FAM83B: variants seen among roughly 807,000 people sequenced by gnomAD.
FAM83B encodes protein FAM83B.
A neutral mutation model predicts 38.8 loss-of-function variants in FAM83B; 26 were observed. That is an observed-to-expected ratio of 0.67 (90% CI 0.49 to 0.93). The LOEUF is 0.93. FAM83B is among the 40% of genes least tolerant of loss of function. FAM83B has a pLI of 0.00. For synonymous variants in FAM83B, 419 were observed against 423.1 expected (o/e 0.99, Z 0.12); for missense variants, 1,237 against 1,197.3 (o/e 1.03, Z -0.49).
intron 4 of FAM83B, among the ~76,000 whole-genome samples, chr6:54,937,724 C>T (rs1465818341): frequency 6.6e-6 from 1 of 152,106 alleles, no homozygotes; most frequent in African/African-American, 2.4e-5. Context: ...GTCTACAATT[C>T]AGCAGAAACC....
chr6:54,907,158 G>A (rs1444509292), intron 2 of FAM83B, among the ~76,000 whole-genome samples: 2 of 152,112 alleles, frequency 1.3e-5, no homozygotes, highest in East Asian at 1.9e-4. Flanking sequence ...TAAAACAGAT[G>A]CTAGAAACGT....
chr6:54,875,852 G>A (rs1291450030), intron 2 of FAM83B, among the ~76,000 whole-genome samples: 2 of 152,186 alleles, frequency 1.3e-5, no homozygotes, highest in African/African-American at 2.4e-5. Flanking sequence ...AACAATTGCT[G>A]TGTCTGTATG....
chr6:54,908,617 T>C (rs1772830091), intron 2 of FAM83B, among the ~76,000 whole-genome samples: 1 of 152,202 alleles, frequency 6.6e-6, no homozygotes, highest in Non-Finnish European at 1.5e-5. Flanking sequence ...GTCCTAGACT[T>C]GCTTCAGCTA....
At chr6:54,853,853 A>G (rs1771374485) in intron 1 of FAM83B, among the ~76,000 whole-genome samples, 1 of 152,242 alleles carries the variant, frequency 6.6e-6, no homozygotes, top group African/African-American at 2.4e-5. Flanking sequence ...GATTCCTCTA[A>G]TGAATCTGAG....
chr6:54,866,864 T>G (rs893909000), intron 1 of FAM83B, among the ~76,000 whole-genome samples: 1 of 152,122 alleles, frequency 6.6e-6, no homozygotes, highest in African/African-American at 2.4e-5. Flanking sequence ...GAGCAGCCCA[T>G]GAATTGAAAG....
Position 54,847,310 on chromosome 6 carries a change from G to A in FAM83B, c.-61+484G>A, listed in dbSNP as rs553338822. ...GGGAAAAGGTGGGAGAGCTTAGGTC[G>A]CTGAGGGGCGTGGGTGTTCTTTAGA... On this transcript the variant is annotated intron_variant, in intron 1 of 4. Coordinates refer to ENST00000306858, the MANE Select transcript of FAM83B (RefSeq NM_001010872.3). Among the ~76,000 whole-genome samples, 10 of 152,136 alleles carry A rather than the reference G, an allele frequency of 6.6e-5. No individual in the cohort carries two copies. The South Asian group carries it at 2.1e-3, about 32-fold the overall frequency.
chr6:54,936,959 G>A (rs1428864050), intron 4 of FAM83B, among the ~76,000 whole-genome samples: 2 of 142,686 alleles, frequency 1.4e-5, no homozygotes, highest in Non-Finnish European at 3.1e-5. Flanking sequence ...CTTCCTATAG[G>A]CATACTAGAT....
At position 54,870,475 on chromosome 6, in the gene FAM83B, C is replaced by T. The variant is rs914547382; in HGVS notation, c.229C>T (p.His77Tyr). 4.3e-6 allele frequency: 7 copies of T among 1,613,854 alleles called. No homozygotes were observed. Among genetic ancestry groups the T allele is most frequent in the Admixed American group, 1.7e-5 (1 of 59,978 alleles). ...CCAGAAAGTTGCACAAAGCACAGCA[C>T]ATGGTACTGATGATTCCTGTGATGA... ...NVQKVAQSTA[H>Y]GTDDSCDDTL... Residue 77 changes from histidine (H) to tyrosine (Y), a missense_variant, in exon 2 of 5, where the codon CAT becomes TAT. Physicochemically the swap from His to Tyr is moderately conservative, Grantham distance 83. Transcript: ENST00000306858.
intron 1 of FAM83B, among the ~76,000 whole-genome samples, chr6:54,867,740 A>G: frequency 6.6e-6 from 1 of 152,092 alleles, no homozygotes; most frequent in Non-Finnish European, 1.5e-5. Context: ...GTTCCAAAAT[A>G]TTTATTTGCA....
At chr6:54,926,241 A>C (rs954158068) in intron 2 of FAM83B, 130 bp from the exon 3 acceptor site, 12 of 444,404 alleles carry the variant, frequency 2.7e-5, no homozygotes, top group African/African-American at 5.9e-5. Context: ...AATGAAATGA[A>C]TATTTGTATA....
intron 1 of FAM83B, among the ~76,000 whole-genome samples, chr6:54,863,207 A>C (rs1414149496): frequency 6.6e-6 from 1 of 152,184 alleles, no homozygotes; most frequent in East Asian, 1.9e-4. Context: ...TTAATTATGC[A>C]CATAAAGAGG....
intron 2 of FAM83B, among the ~76,000 whole-genome samples, chr6:54,909,230 T>G (rs977805635): frequency 8.5e-5 from 13 of 152,158 alleles, no homozygotes; most frequent in African/African-American, 3.1e-4. Context: ...CCTTTAGGAG[T>G]CTTCTAGCTG....
intron 1 of FAM83B, among the ~76,000 whole-genome samples, chr6:54,860,266 GA>G (rs1483596427): frequency 2.0e-5 from 3 of 151,892 alleles, no homozygotes; most frequent in South Asian, 2.1e-4. Flanking sequence ...AGTTAACTTA[GA>G]AAAAAAATGA....
At chr6:54,889,578 T>G (rs2127579971) in intron 2 of FAM83B, among the ~76,000 whole-genome samples, 1 of 152,238 alleles carries the variant, frequency 6.6e-6, no homozygotes, top group Non-Finnish European at 1.5e-5. Context: ...CTGAATACTT[T>G]AAATCATCTC....
chr6:54,940,804 G>C lies in FAM83B; in HGVS notation c.1833G>C (p.Met611Ile). The C allele has an allele frequency of 1.9e-6, 3 of 1,613,982 alleles. No individual in the cohort carries two copies. Among genetic ancestry groups the C allele is most frequent in the Non-Finnish European group, 2.5e-6 (3 of 1,180,008 alleles). Residue 611 changes from methionine to isoleucine, a missense_variant, in exon 5 of 5, where the codon ATG becomes ATC. By Grantham distance (10) the Met-to-Ile change is conservative. Transcript: ENST00000306858. ...KLPLQSEAPKMHTLQVPENHS... is the reference protein window; with the variant it reads ...KLPLQSEAPKIHTLQVPENHS... ...CATTGCAGTCAGAGGCACCAAAAATGCACACCTTGCAGGTTCCTGAAAACC... is the reference window on the plus strand; with the variant it reads ...CATTGCAGTCAGAGGCACCAAAAATCCACACCTTGCAGGTTCCTGAAAACC...
chr6:54,918,308 G>C (rs751306406), intron 2 of FAM83B, among the ~76,000 whole-genome samples: 13 of 152,092 alleles, frequency 8.5e-5, no homozygotes, highest in South Asian at 8.3e-4. Context: ...CAGCAAGTCA[G>C]AAAACACTGG....
chr6:54,938,964 T>G (rs1451792122), intron 4 of FAM83B, among the ~76,000 whole-genome samples: 6 of 152,140 alleles, frequency 3.9e-5, no homozygotes, highest in African/African-American at 1.2e-4. Flanking sequence ...GTTTTTATTA[T>G]GTTATCATCT....
intron 2 of FAM83B, among the ~76,000 whole-genome samples, chr6:54,900,576 TTC>T (rs1323514839): frequency 6.6e-6 from 1 of 152,194 alleles, no homozygotes; most frequent in African/African-American, 2.4e-5. Flanking sequence ...TTGCCATAGA[TTC>T]TGTCTTTGCT....
At chr6:54,915,032 C>T (rs1773002670) in intron 2 of FAM83B, among the ~76,000 whole-genome samples, 1 of 152,026 alleles carries the variant, frequency 6.6e-6, no homozygotes, top group African/African-American at 2.4e-5. Context: ...TATCTTCTAT[C>T]ATCAAGCAAA....
Sources: allele counts gnomAD v4.1 joint callset (sites outside exome capture counted in the v4.1 genomes callset), GRCh38; gene constraint gnomAD v4.1.1; transcripts MANE v1.5; gene names NCBI Gene and HGNC (gene_info 2026-07-23, HGNC 2026-07-21).